Variants in GSAP observed in about 807,000 individuals in gnomAD.
GSAP encodes gamma-secretase activating protein, also known as gamma-secretase-activating protein.
GSAP carries 118 observed loss-of-function variants against 131.7 expected under a neutral mutation model. The observed-to-expected ratio is 0.90, with a 90% CI of 0.77 to 1.04. GSAP has a LOEUF of 1.04. GSAP is among the 50% of genes least tolerant of loss of function. The pLI is 0.00. For missense variants in GSAP, 1,019 were observed against 1,013.2 expected (o/e 1.01, Z -0.08); for synonymous variants, 381 against 363.4 (o/e 1.05, Z -0.55).
At chr7:77,340,916 A>G (rs1259028015) in intron 19 of GSAP, among the ~76,000 whole-genome samples, 1 of 151,764 alleles carries the variant, frequency 6.6e-6, no homozygotes, top group Non-Finnish European at 1.5e-5. Flanking sequence ...CTCCTTCACT[A>G]TGGGCAACCT....
chr7:77,328,455 C>A (rs770704531), intron 22 of GSAP, 151 bp downstream of exon 22: 128 of 1,376,540 alleles, frequency 9.3e-5, no homozygotes, highest in Admixed American at 1.6e-4. Context: ...AAGAGCCGTG[C>A]GGCCACTCTA....
chr7:77,316,176 A>G (rs1794946508), intron 26 of GSAP: 2 of 152,248 alleles, frequency 1.3e-5, no homozygotes, highest in South Asian at 4.1e-4. Context: ...TAGAGAAGCT[A>G]TTGCCTGAAC....
chr7:77,382,151 G>C (rs554880053), intron 7 of GSAP, among the ~76,000 whole-genome samples: 5 of 151,610 alleles, frequency 3.3e-5, no homozygotes, highest in Non-Finnish European at 4.4e-5. Context: ...TAAGTTAGTA[G>C]GTCTTCTCAA....
At chr7:77,394,350 A>C (rs906157597) in intron 5 of GSAP, among the ~76,000 whole-genome samples, 8 of 152,160 alleles carry the variant, frequency 5.3e-5, no homozygotes, top group African/African-American at 1.9e-4. Context: ...TCTACCAAGT[A>C]TAGTCCTGTG....
chr7:77,387,540 C>T, intron 5 of GSAP, 92 bp from the exon 6 acceptor site: 1 of 726,472 alleles, frequency 1.4e-6, no homozygotes, highest in Non-Finnish European at 2.5e-6. Flanking sequence ...TCCGGTAAAT[C>T]CTACTACAGT....
chr7:77,416,601 C>T (rs1293527809), upstream of GSAP: 1 of 311,456 alleles, frequency 3.2e-6, no homozygotes, highest in Non-Finnish European at 5.9e-6. Flanking sequence ...GGCGGGAGGC[C>T]TCCGCGCGCA....
chr7:77,340,131 C>A (rs1225369471), intron 19 of GSAP, among the ~76,000 whole-genome samples: 1 of 152,194 alleles, frequency 6.6e-6, no homozygotes, highest in Non-Finnish European at 1.5e-5. Flanking sequence ...GAAATTCTTT[C>A]TCCTGGCTCA....
At chr7:77,373,045 C>T (rs1488712223) in intron 12 of GSAP, among the ~76,000 whole-genome samples, 3 of 152,040 alleles carry the variant, frequency 2.0e-5, no homozygotes, top group Non-Finnish European at 4.4e-5. Flanking sequence ...GGGCCATTTT[C>T]AGGACTAAGA....
At chr7:77,376,228 T>A (rs1796832970) in intron 10 of GSAP, among the ~76,000 whole-genome samples, 1 of 152,186 alleles carries the variant, frequency 6.6e-6, no homozygotes, top group Non-Finnish European at 1.5e-5. Flanking sequence ...TTTTAAATGA[T>A]TAGAAACTGC....
chr7:77,322,905 A>G (rs1326731518), intron 24 of GSAP, among the ~76,000 whole-genome samples: 1 of 152,222 alleles, frequency 6.6e-6, no homozygotes, highest in African/African-American at 2.4e-5. Flanking sequence ...CAAATCTTCC[A>G]GAGTTCAATG....
intron 18 of GSAP, among the ~76,000 whole-genome samples, chr7:77,352,132 T>C (rs923588356): frequency 6.6e-6 from 1 of 152,208 alleles, no homozygotes; most frequent in Non-Finnish European, 1.5e-5. Context: ...ACTTGATACA[T>C]CTTTTTTAAG....
At chr7:77,311,504 CATTTAT>C (rs1417315767) in intron 30 of GSAP, 55 bp from the exon 31 acceptor site, 2 of 862,378 alleles carry the variant, frequency 2.3e-6, no homozygotes, top group Non-Finnish European at 3.9e-6. Context: ...GTCCGTGAAA[CATTTAT>C]AACTTTGTGC....
chr7:77,321,982 G>A (rs1203165702), intron 24 of GSAP, among the ~76,000 whole-genome samples: 1 of 152,228 alleles, frequency 6.6e-6, no homozygotes, highest in African/African-American at 2.4e-5. Flanking sequence ...ATCAACCAAA[G>A]TAGGTAGCCT....
chr7:77,328,118 G>C (rs1788570636), intron 22 of GSAP: 1 of 681,738 alleles, frequency 1.5e-6, no homozygotes, highest in Non-Finnish European at 1.8e-6. Flanking sequence ...GTCCAGCTCT[G>C]TCTAGCTCTC....
At chr7:77,318,893 AGGAAACGATCCT>A (rs1304889625) in intron 26 of GSAP, among the ~76,000 whole-genome samples, 1 of 124,792 alleles carries the variant, frequency 8.0e-6, no homozygotes, top group Non-Finnish European at 1.6e-5. Context: ...TGCACAGCAA[AGGAAACGATCCT>A]GGGCCTGTTG....
At position 77,416,227 on chromosome 7, in the gene GSAP, C is replaced by T; in HGVS notation, c.95G>A (p.Gly32Glu). The change falls in exon 1 of 31, where the codon GGA becomes GAA. Residue 32 changes from glycine to glutamate, a missense_variant. Gly to Glu is a moderately conservative substitution (Grantham distance 98, BLOSUM62 -2). Coordinates refer to ENST00000257626, the MANE Select transcript of GSAP (RefSeq NM_017439.4). ...GCCTCCCGCACCTGCGCCGCCGCTT[C>T]CGGCCCCGCTGGCCTCCGACACTGC... ...QRAVSEASGA[G>E]SGGADVLEND... is the part of the protein sequence containing the mutation. The T allele has an allele frequency of 5.5e-6, 8 of 1,464,722 alleles. No individual in the cohort carries two copies. Among genetic ancestry groups the T allele is most frequent in the South Asian group, 1.3e-5 (1 of 76,428 alleles). The allele number at this position is 1,464,722 out of a possible 1,614,324, so 90.7% of individuals were successfully genotyped here.
At chr7:77,330,067 C>T (rs892424980) in intron 20 of GSAP, 172 bp downstream of exon 20, 1 of 676,344 alleles carries the variant, frequency 1.5e-6, no homozygotes, top group Admixed American at 3.8e-5. Flanking sequence ...CCTAGGAGAA[C>T]AGAGATCATA....
chr7:77,409,141 G>T (rs1802829267), intron 1 of GSAP, among the ~76,000 whole-genome samples: 1 of 152,114 alleles, frequency 6.6e-6, no homozygotes, highest in Admixed American at 6.6e-5. Context: ...CACACTGAAG[G>T]ATAATAAGGA....
chr7:77,376,684 G>A (rs1272283078), intron 10 of GSAP, among the ~76,000 whole-genome samples, 164 bp downstream of exon 10: 1 of 151,198 alleles, frequency 6.6e-6, no homozygotes, highest in African/African-American at 2.4e-5. Context: ...GGCTGAGGCA[G>A]GAGAATGGCG....
Sources: allele counts gnomAD v4.1 joint callset (sites outside exome capture counted in the v4.1 genomes callset), GRCh38; gene constraint gnomAD v4.1.1; transcripts MANE v1.5; gene names NCBI Gene and HGNC (gene_info 2026-07-23, HGNC 2026-07-21).